CIP2A: variants seen among roughly 807,000 people sequenced by gnomAD.
The protein encoded by CIP2A is cellular inhibitor of PP2A, also known as protein CIP2A.
Under a neutral mutation model 110.9 loss-of-function variants are expected in CIP2A, and 103 were observed. That is an observed-to-expected ratio of 0.93 (90% CI 0.79 to 1.09). The LOEUF is 1.09. Among genes scored for constraint, CIP2A ranks in the 50% least tolerant of loss-of-function variants. CIP2A has a pLI of 0.00. For missense variants in CIP2A, 1,088 were observed against 1,038.4 expected, an observed-to-expected ratio of 1.05 and a Z score of -0.66; for synonymous variants, 381 against 361.6, an observed-to-expected ratio of 1.05 and a Z score of -0.61.
intron 19 of CIP2A, among the ~76,000 whole-genome samples, 195 bp downstream of exon 19, chr3:108,553,453 A>T (rs1937647846): frequency 6.6e-6 from 1 of 151,994 alleles, no homozygotes; most frequent in Non-Finnish European, 1.5e-5. Flanking sequence ...CTAAATTTAA[A>T]AAACGTACCA....
chr3:108,568,622 G>C (rs558986453), intron 9 of CIP2A, among the ~76,000 whole-genome samples: 1 of 151,960 alleles, frequency 6.6e-6, no homozygotes, highest in South Asian at 2.1e-4. Context: ...TCCTGAATCT[G>C]CTAAAAGTAA....
Position 108,561,455 on chromosome 3 carries a change from G to A in CIP2A, c.1635-614C>T, listed in dbSNP as rs550628686. ...CCGCAGCACTTTGGGAGGATCACTT[G>A]AGTCCAAGAGTTCGAGACAAGCCTG... On this transcript the variant is annotated intron_variant, in intron 13 of 20. Transcript: ENST00000295746. 2.8e-4 allele frequency among the ~76,000 whole-genome samples: 43 copies of A among 152,254 alleles called. 1 individual carries two copies. The South Asian group carries it at 8.3e-3, about 29-fold the overall frequency.
chr3:108,575,271 TAC>T (rs763477071), intron 8 of CIP2A, among the ~76,000 whole-genome samples: 147 of 151,458 alleles, frequency 9.7e-4, no homozygotes, highest in East Asian at 1.4e-3. Context: ...CATGTGTATA[TAC>T]ACACACACGT....
chr3:108,569,181 T>TATATATATATATATATATATATAC lies in CIP2A; in HGVS notation c.1113+207_1113+208insGTATATATATATATATATATATAT. Among the ~76,000 whole-genome samples the TATATATATATATATATATATATAC allele has an allele frequency of 4.5e-3, 261 of 58,208 alleles. 44 individuals carry two copies. The highest frequency in any genetic ancestry group is 7.8e-3 in the Admixed American group (33 of 4,248). The allele number at this position is 58,208 out of a possible 152,430, so 38.2% of individuals were successfully genotyped here. A position where few individuals can be genotyped will look rare whatever the true frequency, so the allele number is the denominator to read the frequency against. Reference sequence around the variant, plus strand: ...CTGAAATGAGCACTATATATATATATACATACACACTACTCAGTGAAAAAA... The same window carrying TATATATATATATATATATATATAC: ...CTGAAATGAGCACTATATATATATATATATATATATATATATATATATACACATACACACTACTCAGTGAAAAAA... On this transcript the variant is annotated intron_variant, in intron 9 of 20. Transcript: ENST00000295746.
At chr3:108,551,478 G>GT (rs2107303750) in intron 20 of CIP2A, among the ~76,000 whole-genome samples, 159 bp from the exon 21 acceptor site, 1 of 152,080 alleles carries the variant, frequency 6.6e-6, no homozygotes, top group South Asian at 2.1e-4. Flanking sequence ...CAATTACATG[G>GT]TAAGTTTAAA....
At position 108,550,401 on chromosome 3, in the gene CIP2A, A is replaced by G. The variant is rs1034986280; in HGVS notation, c.*748T>C. ...TCATAAGAAACTTATAATTAATTATAGATGATCTGGACCACTATGCAACAT... is the reference window on the plus strand; with the variant it reads ...TCATAAGAAACTTATAATTAATTATGGATGATCTGGACCACTATGCAACAT... On this transcript the variant is annotated 3_prime_UTR_variant, in exon 21 of 21. Transcript: ENST00000295746. The G allele has an allele frequency of 4.6e-5, 7 of 151,698 alleles. No homozygotes were observed. The highest frequency in any genetic ancestry group is 1.7e-4 in the African/African-American group (7 of 41,548). 9.4% of individuals were successfully genotyped at this position (151,698 alleles called of 1,614,324 possible). A position where few individuals can be genotyped will look rare whatever the true frequency, so the allele number is the denominator to read the frequency against.
chr3:108,582,150 CCAGAA>C lies in CIP2A; in HGVS notation c.405_409del (p.Tyr135Ter), dbSNP rs777041310. The C allele has an allele frequency of 6.0e-6, 9 of 1,506,050 alleles. No individual in the cohort carries two copies. Among genetic ancestry groups the C allele is most frequent in the Non-Finnish European group, 8.2e-6 (9 of 1,098,086 alleles). 93.3% of individuals were successfully genotyped at this position (1,506,050 alleles called of 1,614,324 possible). On this transcript the variant is annotated stop_gained and frameshift_variant, in exon 4 of 21. Coordinates refer to ENST00000295746, the MANE Select transcript of CIP2A (RefSeq NM_020890.3). LOFTEE classifies it high-confidence loss of function. ...CGTAATTAATTCATCTATATTGGCA[CCAGAA>C]TAGAAAATTTTGACATTATATGTTA...
chr3:108,563,114 A>C lies in CIP2A; in HGVS notation c.1634+12T>G, dbSNP rs1454464783. ...CACCACAAGAGATACACTGCAAATGATTACAACTCACACTAAAGCAGGAAA... is the reference window on the plus strand; with the variant it reads ...CACCACAAGAGATACACTGCAAATGCTTACAACTCACACTAAAGCAGGAAA... On this transcript the variant is annotated intron_variant, in intron 13 of 20. Coordinates refer to ENST00000295746, the MANE Select transcript of CIP2A (RefSeq NM_020890.3). 2 of 1,529,306 alleles carry C rather than the reference A, an allele frequency of 1.3e-6. No homozygotes were observed. Among genetic ancestry groups the C allele is most frequent in the East Asian group, 4.5e-5 (2 of 44,460 alleles). The allele number at this position is 1,529,306 out of a possible 1,614,324, so 94.7% of individuals were successfully genotyped here.
At chr3:108,557,946 C>T (rs1415533187) in intron 16 of CIP2A, among the ~76,000 whole-genome samples, 1 of 152,062 alleles carries the variant, frequency 6.6e-6, no homozygotes, top group Non-Finnish European at 1.5e-5. Context: ...AAAGTTGGTT[C>T]CCCCCAGCCC....
chr3:108,575,595 CGTGTAT>C (rs1938577789), intron 8 of CIP2A, among the ~76,000 whole-genome samples: 4 of 138,594 alleles, frequency 2.9e-5, no homozygotes, highest in South Asian at 4.4e-4. Flanking sequence ...TGTATATATA[CGTGTAT>C]ATATACTCAT....
rs548690074 is a variant in CIP2A, at chr3:108,560,471, C to T, written c.1827+178G>A. On this transcript the variant is annotated intron_variant, in intron 14 of 20. Transcript: ENST00000295746. Reference sequence around the variant, plus strand: ...TACAGGCGTAAGCCACCGCACCCGGCAAAATGTTGAAATTTTGACTGATTT... The same window carrying T: ...TACAGGCGTAAGCCACCGCACCCGGTAAAATGTTGAAATTTTGACTGATTT... 2.3e-4 allele frequency among the ~76,000 whole-genome samples: 35 copies of T among 152,298 alleles called. No homozygotes were observed. The South Asian group carries it at 7.2e-3, about 32-fold the overall frequency.
intron 1 of CIP2A, 31 bp downstream of exon 1, chr3:108,589,243 C>G (rs766306235): frequency 6.6e-7 from 1 of 1,522,444 alleles, no homozygotes; most frequent in Admixed American, 1.7e-5. Context: ...TAGGGGAAGC[C>G]CCATCTGTCC....
At chr3:108,576,369 C>A (rs1379097376) in intron 7 of CIP2A, 23 bp from the exon 8 acceptor site, 5 of 1,194,762 alleles carry the variant, frequency 4.2e-6, no homozygotes, top group South Asian at 1.4e-5. Flanking sequence ...TAAAAATATA[C>A]ATCAAATGAT....
In CIP2A at chr3:108,570,469, G is replaced by A. The variant is rs534610173; in HGVS notation, c.895-862C>T. 3.9e-5 allele frequency among the ~76,000 whole-genome samples: 6 copies of A among 152,154 alleles called. No homozygotes were observed. In the East Asian group the frequency reaches 5.8e-4, roughly 15 times the overall value. On this transcript the variant is annotated intron_variant, in intron 8 of 20. Transcript: ENST00000295746. ...TCATTAATTCCGTTGTGTGAACATCGTAAGAGTGTACTTACACAAACCTAG... is the reference window on the plus strand; with the variant it reads ...TCATTAATTCCGTTGTGTGAACATCATAAGAGTGTACTTACACAAACCTAG...
chr3:108,577,182 G>A (rs936952575), intron 7 of CIP2A, among the ~76,000 whole-genome samples: 1 of 152,138 alleles, frequency 6.6e-6, no homozygotes, highest in African/African-American at 2.4e-5. Context: ...AACAAAATGT[G>A]TGAAGAAATA....
intron 13 of CIP2A, 33 bp from the exon 14 acceptor site, chr3:108,560,874 T>C: frequency 7.0e-7 from 1 of 1,424,686 alleles, no homozygotes; most frequent in Non-Finnish European, 9.4e-7. Flanking sequence ...AAAAAAAAAT[T>C]ATACGAAAAT....
At chr3:108,588,123 G>A (rs1939138005) in intron 1 of CIP2A, among the ~76,000 whole-genome samples, 2 of 152,096 alleles carry the variant, frequency 1.3e-5, no homozygotes, top group African/African-American at 4.8e-5. Context: ...GAAAGGTAAT[G>A]CTTCAGAATA....
intron 13 of CIP2A, among the ~76,000 whole-genome samples, chr3:108,561,736 G>A (rs1938014301): frequency 6.6e-6 from 1 of 152,036 alleles, no homozygotes; most frequent in African/African-American, 2.4e-5. Context: ...TATACATTCA[G>A]TTTATTAAAC....
intron 10 of CIP2A, among the ~76,000 whole-genome samples, chr3:108,567,246 C>T (rs1042535860): frequency 1.4e-5 from 2 of 145,660 alleles, no homozygotes; most frequent in Non-Finnish European, 3.0e-5. Context: ...CATCGATTTT[C>T]TTTTTTTTTT....
Sources: allele counts gnomAD v4.1 joint callset (sites outside exome capture counted in the v4.1 genomes callset), GRCh38; gene constraint gnomAD v4.1.1; transcripts MANE v1.5; gene names NCBI Gene and HGNC (gene_info 2026-07-23, HGNC 2026-07-21).